Variants in ARHGEF3 observed in about 807,000 individuals in gnomAD.
The protein encoded by ARHGEF3 is 59.8 kDA protein.
Under a neutral mutation model 63.2 loss-of-function variants are expected in ARHGEF3, and 28 were observed. The ratio of observed to expected loss-of-function variants is 0.44; its 90% CI spans 0.33 to 0.61. The LOEUF (loss-of-function observed/expected upper bound fraction) is 0.61. ARHGEF3 is among the 20% of genes least tolerant of loss of function. The pLI, the probability that ARHGEF3 is intolerant of heterozygous loss-of-function variation, is 0.03. For missense variants in ARHGEF3, 533 were observed against 659.3 expected (o/e 0.81, Z 2.10); for synonymous variants, 266 against 254.2 (o/e 1.05, Z -0.44).
At chr3:56,760,515 T>C (rs1287839527) in intron 2 of ARHGEF3, among the ~76,000 whole-genome samples, 1 of 152,146 alleles carries the variant, frequency 6.6e-6, no homozygotes, top group African/African-American at 2.4e-5. Context: ...CAGGGTACTA[T>C]GGGGGATATC....
intron 2 of ARHGEF3, among the ~76,000 whole-genome samples, chr3:56,981,754 T>C (rs915401365): frequency 2.6e-5 from 4 of 152,206 alleles, no homozygotes; most frequent in African/African-American, 9.6e-5. Context: ...GCTGGGACCC[T>C]TGAAGGTCTC....
chr3:56,968,246 TA>T lies in ARHGEF3; in HGVS notation c.63-9358del, dbSNP rs369968933. 6.1e-3 allele frequency among the ~76,000 whole-genome samples: 250 copies of T among 41,104 alleles called. 1 individual carries two copies. The highest frequency in any genetic ancestry group is 8.7e-3 in the Non-Finnish European group (183 of 21,086). 27.0% of individuals were successfully genotyped at this position (41,104 alleles called of 152,430 possible). On this transcript the variant is annotated intron_variant, in intron 2 of 12. Transcript: ENST00000338458. ...ATAATATATATATAAATATATATAT[TA>T]ATATATAATATTTAAATATATAATA...
At chr3:56,817,580 A>G (rs1364987273) in intron 4 of ARHGEF3, among the ~76,000 whole-genome samples, 1 of 152,210 alleles carries the variant, frequency 6.6e-6, no homozygotes, top group African/African-American at 2.4e-5. Context: ...AAGCTAGAAA[A>G]TAATGTTAGG....
chr3:56,743,890 C>T (rs1559895288), intron 7 of ARHGEF3, among the ~76,000 whole-genome samples: 1 of 152,116 alleles, frequency 6.6e-6, no homozygotes, highest in East Asian at 1.9e-4. Context: ...CAGTCTCTTC[C>T]TCCTCAGTCC....
chr3:56,916,845 A>G (rs987300566), intron 3 of ARHGEF3, among the ~76,000 whole-genome samples: 4 of 152,200 alleles, frequency 2.6e-5, no homozygotes, highest in Admixed American at 6.5e-5. Context: ...AAGAATCAGT[A>G]GCCCTGTCCG....
At chr3:56,735,076 GA>G (rs2033509787) in intron 8 of ARHGEF3, among the ~76,000 whole-genome samples, 1 of 152,132 alleles carries the variant, frequency 6.6e-6, no homozygotes, top group South Asian at 2.1e-4. Context: ...TTGAGGTCAG[GA>G]ATTCAAGAAC....
chr3:56,935,837 A>T (rs561980483), intron 3 of ARHGEF3, among the ~76,000 whole-genome samples: 2 of 152,232 alleles, frequency 1.3e-5, no homozygotes, highest in Non-Finnish European at 2.9e-5. Flanking sequence ...ACACATTACT[A>T]TGTCACAGAC....
intron 2 of ARHGEF3, among the ~76,000 whole-genome samples, chr3:57,016,240 TAA>T (rs1386654597): frequency 2.0e-5 from 3 of 151,914 alleles, no homozygotes; most frequent in Admixed American, 1.3e-4. Context: ...AACTGCTTTC[TAA>T]AAGGTAATGC....
At chr3:57,014,143 G>A (rs564827616) in intron 2 of ARHGEF3, among the ~76,000 whole-genome samples, 1 of 152,192 alleles carries the variant, frequency 6.6e-6, no homozygotes, top group African/African-American at 2.4e-5. Flanking sequence ...AACACTCAGC[G>A]GGAAGGTTTG....
intron 1 of ARHGEF3, among the ~76,000 whole-genome samples, chr3:57,076,493 T>A (rs985679109): frequency 2.6e-5 from 4 of 152,180 alleles, no homozygotes; most frequent in African/African-American, 7.2e-5. Flanking sequence ...GTACAGGGAC[T>A]ACATCTGGTT....
At chr3:56,864,185 C>T (rs2040168336) in intron 4 of ARHGEF3, among the ~76,000 whole-genome samples, 1 of 152,210 alleles carries the variant, frequency 6.6e-6, no homozygotes, top group African/African-American at 2.4e-5. Context: ...CTAGTGACTC[C>T]ATACTGTTCT....
intron 2 of ARHGEF3, among the ~76,000 whole-genome samples, chr3:57,020,620 T>C (rs967099024): frequency 6.6e-6 from 1 of 152,208 alleles, no homozygotes; most frequent in Non-Finnish European, 1.5e-5. Context: ...TGGAGTCAAA[T>C]GCCAGCCTGG....
chr3:56,736,774 T>C (rs143095037), intron 8 of ARHGEF3, among the ~76,000 whole-genome samples: 1,606 of 152,194 alleles, frequency 0.011, 33 homozygotes, highest in African/African-American at 0.036. Context: ...GTGATATAAA[T>C]GACACTGGAA....
intron 2 of ARHGEF3, among the ~76,000 whole-genome samples, chr3:56,967,523 T>A (rs1472638693): frequency 5.6e-5 from 5 of 89,786 alleles, no homozygotes; most frequent in East Asian, 3.2e-4. Flanking sequence ...TATAATATAT[T>A]ATATGTATAA....
At chr3:56,922,254 C>T (rs764611004) in intron 3 of ARHGEF3, among the ~76,000 whole-genome samples, 17 of 152,106 alleles carry the variant, frequency 1.1e-4, no homozygotes, top group South Asian at 2.1e-4. Context: ...CATAAACACC[C>T]TGGGTGCAGC....
At chr3:57,051,935 C>A (rs1237429848) in intron 1 of ARHGEF3, among the ~76,000 whole-genome samples, 1 of 152,040 alleles carries the variant, frequency 6.6e-6, no homozygotes, top group African/African-American at 2.4e-5. Flanking sequence ...TGCACTCTAG[C>A]CTGGGTGACA....
chr3:57,077,270 G>A (rs116616000), intron 1 of ARHGEF3, among the ~76,000 whole-genome samples: 2,127 of 151,978 alleles, frequency 0.014, 59 homozygotes, highest in African/African-American at 0.049. Flanking sequence ...TGTGTTCTGG[G>A]AGGGGGCACA....
intron 2 of ARHGEF3, among the ~76,000 whole-genome samples, chr3:57,014,269 A>G (rs771162001): frequency 6.6e-6 from 1 of 152,104 alleles, no homozygotes; most frequent in Non-Finnish European, 1.5e-5. Context: ...GAACTGTAAC[A>G]CTCACTGTGA....
At chr3:57,075,539 GGT>G (rs570642971) in intron 1 of ARHGEF3, 335 of 152,090 alleles carry the variant, frequency 2.2e-3, no homozygotes, top group Non-Finnish European at 3.6e-3. Context: ...GGCCCGGCAT[GGT>G]GGCTCATGCC....
Sources: gnomAD v4.1 joint callset for allele counts (sites outside exome capture counted in the v4.1 genomes callset) on GRCh38, gnomAD v4.1.1 for gene constraint, MANE v1.5 for transcripts, NCBI Gene and HGNC (gene_info 2026-07-23, HGNC 2026-07-21) for gene names.